ROBO2: variants seen among roughly 807,000 people sequenced by gnomAD.
ROBO2 encodes roundabout homolog 2.
ROBO2 carries 53 observed loss-of-function variants against 160.8 expected under a neutral mutation model. The ratio of observed to expected loss-of-function variants is 0.33; its 90% CI spans 0.26 to 0.41. The LOEUF is 0.41. Among genes scored for constraint, ROBO2 ranks in the 10% least tolerant of loss-of-function variants. The probability of loss-of-function intolerance (pLI) is 1.00; values close to 1 mark genes in which losing one functional copy is unlikely to be tolerated. For missense variants in ROBO2, 1,577 were observed against 1,722.4 expected (o/e 0.92, Z 1.49); for synonymous variants, 664 against 611.7 (o/e 1.09, Z -1.26).
At chr3:77,168,623 A>G (rs2079329566) in intron 2 of ROBO2, among the ~76,000 whole-genome samples, 1 of 152,180 alleles carries the variant, frequency 6.6e-6, no homozygotes, top group African/African-American at 2.4e-5. Flanking sequence ...TGTTATACCT[A>G]TAGAGCAGAT....
chr3:75,964,630 A>G (rs1949040787), intron 2 of ROBO2, among the ~76,000 whole-genome samples: 1 of 151,646 alleles, frequency 6.6e-6, no homozygotes, highest in Non-Finnish European at 1.5e-5. Flanking sequence ...AGACAACATG[A>G]AAATATCTTT....
chr3:76,952,412 A>T (rs996086341), intron 2 of ROBO2, among the ~76,000 whole-genome samples: 1 of 151,950 alleles, frequency 6.6e-6, no homozygotes, highest in Non-Finnish European at 1.5e-5. Flanking sequence ...CCTCCCAAGT[A>T]GCTGGGATTA....
chr3:76,770,934 C>G (rs985782246), intron 2 of ROBO2, among the ~76,000 whole-genome samples: 1 of 151,274 alleles, frequency 6.6e-6, no homozygotes, highest in East Asian at 2.0e-4. Context: ...CTTTCTCACC[C>G]TTGACTACAA....
At chr3:76,896,763 C>T (rs2074812585) in intron 2 of ROBO2, among the ~76,000 whole-genome samples, 1 of 152,072 alleles carries the variant, frequency 6.6e-6, no homozygotes, top group African/African-American at 2.4e-5. Context: ...GAACTGTTGT[C>T]ATTACAATTT....
intron 2 of ROBO2, among the ~76,000 whole-genome samples, chr3:76,237,433 C>T (rs1705012196): frequency 6.6e-6 from 1 of 152,070 alleles, no homozygotes. Flanking sequence ...CTTAGGATCC[C>T]TCCCTTTGAA....
At chr3:77,281,228 A>G (rs777903382) in intron 2 of ROBO2, among the ~76,000 whole-genome samples, 29 of 152,334 alleles carry the variant, frequency 1.9e-4, no homozygotes, top group Middle Eastern at 3.4e-3. Context: ...GATAAATCCC[A>G]AATTTTTACT....
At chr3:77,333,578 A>G (rs55689006) in intron 2 of ROBO2, among the ~76,000 whole-genome samples, 14,724 of 152,254 alleles carry the variant, frequency 0.097, 900 homozygotes, top group Admixed American at 0.21. Flanking sequence ...GCCATTGCTC[A>G]TGTGACTCAT....
At chr3:76,761,676 CT>C (rs1401129921) in intron 2 of ROBO2, among the ~76,000 whole-genome samples, 4 of 151,638 alleles carry the variant, frequency 2.6e-5, no homozygotes, top group African/African-American at 9.7e-5. Flanking sequence ...AGGCAAAGTC[CT>C]GTGGTCTTCT....
chr3:76,621,323 C>T (rs977473855), intron 2 of ROBO2, among the ~76,000 whole-genome samples: 5 of 152,128 alleles, frequency 3.3e-5, no homozygotes, highest in East Asian at 1.9e-4. Flanking sequence ...GATTCTTACA[C>T]GCTTTGGTCT....
intron 2 of ROBO2, among the ~76,000 whole-genome samples, chr3:76,681,797 T>C (rs940339891): frequency 2.6e-5 from 4 of 152,108 alleles, no homozygotes; most frequent in African/African-American, 9.7e-5. Flanking sequence ...GGCCATTACT[T>C]TCAATGGCAA....
intron 2 of ROBO2, among the ~76,000 whole-genome samples, chr3:77,099,240 T>G (rs1464965267): frequency 6.6e-6 from 1 of 152,010 alleles, no homozygotes; most frequent in African/African-American, 2.4e-5. Context: ...AATTTTTGTA[T>G]TTTTAGTAGA....
chr3:76,283,153 A>ATATATATATATATATAT (rs1559717396), intron 2 of ROBO2, among the ~76,000 whole-genome samples: 38 of 12,074 alleles, frequency 3.1e-3, no homozygotes, highest in Admixed American at 0.01. Flanking sequence ...TATATATATA[A>ATATATATATATATATAT]AACTACATAT....
At chr3:76,233,678 A>C (rs6549850) in intron 2 of ROBO2, among the ~76,000 whole-genome samples, 135,443 of 151,920 alleles carry the variant, frequency 0.89, 60,680 homozygotes, top group Middle Eastern at 0.97. Context: ...GTTAAATTCA[A>C]GCACGTCATT....
In ROBO2 at chr3:75,951,102, G is replaced by T. The variant is rs138049212; in HGVS notation, c.109+13500G>T. ...TTTTATGTCAACCTATGGTAAAATG[G>T]GTTTCACTTACTGTATTTTGGCACT... On this transcript the variant is annotated intron_variant, in intron 2 of 26. Transcript: ENST00000487694. Among the ~76,000 whole-genome samples, 809 of 151,856 alleles carry T rather than the reference G, an allele frequency of 5.3e-3. 8 individuals carry two copies. The highest frequency in any genetic ancestry group is 0.019 in the African/African-American group (786 of 41,428).
chr3:76,868,449 C>T (rs147618155), intron 2 of ROBO2, among the ~76,000 whole-genome samples: 145 of 152,260 alleles, frequency 9.5e-4, no homozygotes, highest in African/African-American at 3.4e-3. Context: ...ATACTTGTTA[C>T]GTTCATTAAT....
chr3:77,617,707 C>T (rs760051238), exon 22 of ROBO2: 3 of 1,614,002 alleles, frequency 1.9e-6, no homozygotes, highest in Non-Finnish European at 2.5e-6. Flanking sequence ...GAGATGCAAC[C>T]CATGCTGCAG....
intron 2 of ROBO2, among the ~76,000 whole-genome samples, chr3:76,362,576 T>G (rs1336893047): frequency 6.6e-6 from 1 of 152,132 alleles, no homozygotes; most frequent in East Asian, 1.9e-4. Flanking sequence ...ATATGAAGTA[T>G]TCTTCAATCT....
At chr3:76,522,566 G>T (rs2081685805) in intron 2 of ROBO2, among the ~76,000 whole-genome samples, 1 of 152,096 alleles carries the variant, frequency 6.6e-6, no homozygotes, top group Non-Finnish European at 1.5e-5. Context: ...GTGTTTTTAA[G>T]TACAGAAATA....
At chr3:77,493,953 C>G (rs2086461674) in intron 5 of ROBO2, among the ~76,000 whole-genome samples, 1 of 152,120 alleles carries the variant, frequency 6.6e-6, no homozygotes, top group African/African-American at 2.4e-5. Context: ...GAGACCTTCT[C>G]TTCCATCTCC....
Sources: allele counts gnomAD v4.1 joint callset (sites outside exome capture counted in the v4.1 genomes callset), GRCh38; gene constraint gnomAD v4.1.1; transcripts MANE v1.5; gene names NCBI Gene and HGNC (gene_info 2026-07-23, HGNC 2026-07-21).